Variants in ELP4 observed in about 807,000 individuals in gnomAD.
ELP4 encodes elongator acetyltransferase complex subunit 4.
Under a neutral mutation model 48.9 loss-of-function variants are expected in ELP4, and 51 were observed. That is an observed-to-expected ratio of 1.04 (90% CI 0.83 to 1.32). ELP4 has a LOEUF of 1.32. ELP4 is among the 40% of genes most tolerant of loss of function. The probability of loss-of-function intolerance (pLI) is 0.00; values close to 1 mark genes in which losing one functional copy is unlikely to be tolerated. For missense variants in ELP4, 519 were observed against 514.6 expected (o/e 1.01, Z -0.08); for synonymous variants, 210 against 189.2 (o/e 1.11, Z -0.90).
chr11:31,670,163 A>G (rs1004643939), intron 9 of ELP4, among the ~76,000 whole-genome samples: 11 of 152,122 alleles, frequency 7.2e-5, no homozygotes, highest in Admixed American at 2.0e-4. Flanking sequence ...TAGCTAATCT[A>G]TATTATCTCT....
intron 2 of ELP4, among the ~76,000 whole-genome samples, chr11:31,520,696 C>T (rs1482867185): frequency 6.6e-6 from 1 of 151,936 alleles, no homozygotes; most frequent in African/African-American, 2.4e-5. Flanking sequence ...ATCTATTGTT[C>T]CTACTTTTGT....
chr11:31,764,148 G>T (rs1307773490), intron 9 of ELP4, among the ~76,000 whole-genome samples: 4 of 152,122 alleles, frequency 2.6e-5, no homozygotes, highest in African/African-American at 9.7e-5. Context: ...GAGCATCTTG[G>T]TGTGCGATAC....
At chr11:31,585,448 AAG>A (rs1406218357) in intron 3 of ELP4, among the ~76,000 whole-genome samples, 1 of 151,994 alleles carries the variant, frequency 6.6e-6, no homozygotes, top group Non-Finnish European at 1.5e-5. Context: ...AAAAAAAAAA[AAG>A]ATTGCACTTA....
chr11:31,573,112 A>G lies in ELP4; in HGVS notation c.382-21658A>G, dbSNP rs534498354. On this transcript the variant is annotated intron_variant, in intron 3 of 9. Coordinates refer to ENST00000640961, the MANE Select transcript of ELP4 (RefSeq NM_019040.5). ...ATTTACATATAATTTTATCAATTTC[A>G]TATACAATTCAGTGAGTTTGAGTAA... is the stretch of plus-strand genomic sequence containing the variant. Among the ~76,000 whole-genome samples the G allele has an allele frequency of 5.9e-5, 9 of 152,350 alleles. No homozygotes were observed. In the South Asian group the frequency reaches 1.9e-3, roughly 32 times the overall value.
chr11:31,621,929 G>T (rs1944631249), intron 5 of ELP4, among the ~76,000 whole-genome samples: 1 of 151,818 alleles, frequency 6.6e-6, no homozygotes, highest in African/African-American at 2.4e-5. Context: ...AGTGCCGTTT[G>T]TGTCCCTTAA....
chr11:31,744,360 GA>G (rs1356961442), intron 9 of ELP4, among the ~76,000 whole-genome samples: 7 of 152,100 alleles, frequency 4.6e-5, no homozygotes, highest in Admixed American at 2.6e-4. Context: ...CCAATCAATA[GA>G]AAAAGAGAGA....
At chr11:31,752,992 A>G (rs1049107627) in intron 9 of ELP4, among the ~76,000 whole-genome samples, 1 of 152,176 alleles carries the variant, frequency 6.6e-6, no homozygotes, top group African/African-American at 2.4e-5. Context: ...GCCTGTCTAT[A>G]TTACGGTTTA....
intron 3 of ELP4, among the ~76,000 whole-genome samples, chr11:31,549,249 C>G (rs1956792360): frequency 6.6e-6 from 1 of 151,660 alleles, no homozygotes; most frequent in East Asian, 1.9e-4. Context: ...TGACAAAGGG[C>G]TAATATCCAG....
At chr11:31,768,624 C>T (rs977650346) in intron 9 of ELP4, among the ~76,000 whole-genome samples, 1 of 152,150 alleles carries the variant, frequency 6.6e-6, no homozygotes, top group Non-Finnish European at 1.5e-5. Flanking sequence ...TTTGTATTCA[C>T]ATTCATACCA....
chr11:31,688,182 A>G (rs776823535), intron 9 of ELP4, among the ~76,000 whole-genome samples: 2 of 152,160 alleles, frequency 1.3e-5, no homozygotes, highest in Non-Finnish European at 2.9e-5. Flanking sequence ...AATAATTACA[A>G]CCTTCTAAAT....
At chr11:31,524,246 G>T (rs886877326) in intron 2 of ELP4, among the ~76,000 whole-genome samples, 1 of 152,166 alleles carries the variant, frequency 6.6e-6, no homozygotes, top group African/African-American at 2.4e-5. Flanking sequence ...CTCCCACGGA[G>T]TCCTCAGCAA....
chr11:31,628,710 CT>C, intron 6 of ELP4, among the ~76,000 whole-genome samples: 1 of 151,884 alleles, frequency 6.6e-6, no homozygotes, highest in East Asian at 1.9e-4. Context: ...AATACCAAAA[CT>C]TTTTAAATTA....
At chr11:31,520,273 AT>A (rs1287363006) in intron 2 of ELP4, among the ~76,000 whole-genome samples, 182 bp downstream of exon 2, 2 of 152,218 alleles carry the variant, frequency 1.3e-5, no homozygotes, top group Admixed American at 6.5e-5. Context: ...CTTGAAATAA[AT>A]TAGGCAAATA....
intron 7 of ELP4, among the ~76,000 whole-genome samples, chr11:31,639,024 T>C (rs1386063831): frequency 6.6e-6 from 1 of 151,914 alleles, no homozygotes; most frequent in East Asian, 1.9e-4. Flanking sequence ...CATCTAACTT[T>C]ATTTCAAATG....
chr11:31,577,491 A>C (rs565789861), intron 3 of ELP4, among the ~76,000 whole-genome samples: 342 of 151,804 alleles, frequency 2.3e-3, no homozygotes, highest in African/African-American at 7.7e-3. Flanking sequence ...ACAACAACAA[A>C]AAAAGATAAT....
chr11:31,682,190 G>C, intron 9 of ELP4: 1 of 749,544 alleles, frequency 1.3e-6, no homozygotes, highest in Non-Finnish European at 1.7e-6. Context: ...GTGAAGAGCT[G>C]TACTTGATAC....
intron 9 of ELP4, among the ~76,000 whole-genome samples, chr11:31,676,215 G>A (rs745590736): frequency 5.9e-5 from 9 of 152,142 alleles, no homozygotes; most frequent in Non-Finnish European, 1.2e-4. Context: ...TACCTGAAAT[G>A]TTATTCTTTC....
intron 7 of ELP4, among the ~76,000 whole-genome samples, chr11:31,642,930 GA>G (rs1945128891): frequency 6.6e-6 from 1 of 151,650 alleles, no homozygotes. Context: ...AATAAGCATG[GA>G]AAAATAAATG....
At chr11:31,731,042 A>C (rs1465302028) in intron 9 of ELP4, among the ~76,000 whole-genome samples, 2 of 152,192 alleles carry the variant, frequency 1.3e-5, no homozygotes, top group African/African-American at 2.4e-5. Flanking sequence ...ACATCAGAGA[A>C]AAAGCTTGAA....
Sources: allele counts gnomAD v4.1 joint callset (sites outside exome capture counted in the v4.1 genomes callset), GRCh38; gene constraint gnomAD v4.1.1; transcripts MANE v1.5; gene names NCBI Gene and HGNC (gene_info 2026-07-23, HGNC 2026-07-21).